ADIPOR2: variants seen among roughly 807,000 people sequenced by gnomAD.
ADIPOR2 encodes the protein adiponectin receptor 2, also known as adiponectin receptor protein 2.
In ADIPOR2, 18 loss-of-function variants were observed where a neutral mutation model predicts 40.9. That is an observed-to-expected ratio of 0.44 (90% CI 0.30 to 0.65). The LOEUF is 0.65. ADIPOR2 is among the 30% of genes least tolerant of loss of function. ADIPOR2 has a pLI of 0.09. For missense variants in ADIPOR2, 283 were observed against 479.2 expected, an observed-to-expected ratio of 0.59 and a Z score of 3.82; for synonymous variants, 165 against 166.4, an observed-to-expected ratio of 0.99 and a Z score of 0.06.
chr12:1,754,070 T>A (rs1187081458), intron 1 of ADIPOR2, among the ~76,000 whole-genome samples, 188 bp from the exon 2 acceptor site: 2 of 151,338 alleles, frequency 1.3e-5, no homozygotes, highest in Non-Finnish European at 2.9e-5. Context: ...CATGTTGTCT[T>A]GTATCCTGTG....
intron 2 of ADIPOR2, 190 bp from the exon 3 acceptor site, chr12:1,772,652 G>C (rs1218348654): frequency 7.3e-6 from 4 of 547,136 alleles, no homozygotes; most frequent in Admixed American, 4.2e-5. Context: ...TGTCAGAGAA[G>C]AATTGAGTAC....
intron 3 of ADIPOR2, among the ~76,000 whole-genome samples, chr12:1,776,697 G>A (rs1329092826): frequency 1.3e-5 from 2 of 152,164 alleles, no homozygotes; most frequent in Non-Finnish European, 2.9e-5. Flanking sequence ...TGAGGAAACG[G>A]GAGGAAAGGG....
chr12:1,748,052 C>T (rs2094759656), intron 1 of ADIPOR2, among the ~76,000 whole-genome samples: 1 of 152,058 alleles, frequency 6.6e-6, no homozygotes, highest in Admixed American at 6.5e-5. Context: ...GAGTACCAAA[C>T]TGTGCCTATT....
At chr12:1,739,909 T>G (rs999588262) in intron 1 of ADIPOR2, among the ~76,000 whole-genome samples, 1 of 152,196 alleles carries the variant, frequency 6.6e-6, no homozygotes, top group African/African-American at 2.4e-5. Flanking sequence ...GAGACCAGCC[T>G]GGCCAACATG....
intron 1 of ADIPOR2, among the ~76,000 whole-genome samples, chr12:1,728,584 C>T (rs1398983744): frequency 2.6e-5 from 4 of 151,354 alleles, no homozygotes; most frequent in South Asian, 2.1e-4. Context: ...ATTAGCCGGG[C>T]GTGGTGGTGG....
At chr12:1,729,687 C>T (rs1339290320) in intron 1 of ADIPOR2, among the ~76,000 whole-genome samples, 1 of 142,466 alleles carries the variant, frequency 7.0e-6, no homozygotes, top group Non-Finnish European at 1.5e-5. Context: ...TATCCTATCC[C>T]TAATAGTTGG....
At chr12:1,711,072 C>T (rs2154441758) in intron 1 of ADIPOR2, among the ~76,000 whole-genome samples, 1 of 152,196 alleles carries the variant, frequency 6.6e-6, no homozygotes, top group South Asian at 2.1e-4. Context: ...TCATACTATC[C>T]CTCACTGGTT....
intron 1 of ADIPOR2, among the ~76,000 whole-genome samples, chr12:1,724,457 CAG>C (rs2094703898): frequency 6.6e-6 from 1 of 151,962 alleles, no homozygotes; most frequent in African/African-American, 2.4e-5. Flanking sequence ...ATCACAGAGA[CAG>C]AAAGAATGGT....
intron 1 of ADIPOR2, among the ~76,000 whole-genome samples, chr12:1,714,112 G>A (rs1038171796): frequency 2.0e-5 from 3 of 152,034 alleles, no homozygotes; most frequent in South Asian, 2.1e-4. Context: ...GGACATGGGC[G>A]AGGGGGCAGC....
intron 1 of ADIPOR2, among the ~76,000 whole-genome samples, chr12:1,701,445 T>A (rs1271511840): frequency 6.6e-6 from 1 of 152,218 alleles, no homozygotes; most frequent in South Asian, 2.1e-4. Context: ...TGCATGTTTT[T>A]ATGTAATTAC....
At chr12:1,780,355 T>C (rs1862689504) in intron 4 of ADIPOR2, 96 bp from the exon 5 acceptor site, 1 of 1,229,652 alleles carries the variant, frequency 8.1e-7, no homozygotes, top group Non-Finnish European at 1.1e-6. Context: ...GATTCAGATA[T>C]TGTTGTAATG....
chr12:1,700,977 T>A (rs11061931), intron 1 of ADIPOR2, among the ~76,000 whole-genome samples: 6,749 of 152,154 alleles, frequency 0.044, 247 homozygotes, highest in East Asian at 0.17. Context: ...AACATTCATA[T>A]ATTAACCATA....
intron 7 of ADIPOR2, among the ~76,000 whole-genome samples, 163 bp downstream of exon 7, chr12:1,784,236 C>T (rs1010236611): frequency 6.6e-6 from 1 of 152,222 alleles, no homozygotes; most frequent in Non-Finnish European, 1.5e-5. Context: ...ACAATAATAA[C>T]TAACATTTAG....
At chr12:1,714,333 G>A (rs1157445847) in intron 1 of ADIPOR2, among the ~76,000 whole-genome samples, 1 of 152,016 alleles carries the variant, frequency 6.6e-6, no homozygotes, top group Admixed American at 6.5e-5. Flanking sequence ...GAACACGGAG[G>A]TTGCCAGGTT....
intron 1 of ADIPOR2, among the ~76,000 whole-genome samples, chr12:1,705,125 C>A (rs2094659445): frequency 6.6e-6 from 1 of 152,080 alleles, no homozygotes; most frequent in African/African-American, 2.4e-5. Flanking sequence ...TTTATCACTT[C>A]AAAGTAGGGT....
intron 1 of ADIPOR2, among the ~76,000 whole-genome samples, chr12:1,741,457 A>G (rs2094742756): frequency 6.6e-6 from 1 of 152,156 alleles, no homozygotes; most frequent in African/African-American, 2.4e-5. Context: ...AGGGAGGAAT[A>G]TCTTTGGCAA....
intron 1 of ADIPOR2, among the ~76,000 whole-genome samples, chr12:1,747,816 T>C (rs10773989): frequency 0.42 from 63,253 of 151,914 alleles, 13,918 homozygotes; most frequent in Non-Finnish European, 0.5. Context: ...CATTTTAAAA[T>C]AATGAGTCGT....
chr12:1,758,951 C>G (rs1855658267), intron 2 of ADIPOR2, among the ~76,000 whole-genome samples: 1 of 152,172 alleles, frequency 6.6e-6, no homozygotes, highest in Non-Finnish European at 1.5e-5. Context: ...TAGGAATTTG[C>G]CCAAGGTAAC....
At position 1,780,585 on chromosome 12, in the gene ADIPOR2, C is replaced by G; in HGVS notation, c.598C>G (p.Leu200Val). ...CATTCTCTGCCTTTCTTTTTCATGG[C>G]TCTTCCACACAGTCTACTGCCACTC... is the stretch of plus-strand genomic sequence containing the variant. ...GAILCLSFSW[L>V]FHTVYCHSEG... The change falls in exon 5 of 8, where the codon CTC becomes GTC. Residue 200 changes from leucine to valine, a missense_variant. Leu to Val is a conservative substitution (Grantham distance 32). Transcript: ENST00000357103. The G allele has an allele frequency of 1.2e-6, 2 of 1,613,470 alleles. No individual in the cohort carries two copies. The highest frequency in any genetic ancestry group is 1.7e-6 in the Non-Finnish European group (2 of 1,179,806).
Sources: gnomAD v4.1 joint callset for allele counts (sites outside exome capture counted in the v4.1 genomes callset) on GRCh38, gnomAD v4.1.1 for gene constraint, MANE v1.5 for transcripts, NCBI Gene and HGNC (gene_info 2026-07-23, HGNC 2026-07-21) for gene names.